The following TLCD3B variants were observed in gnomAD, a reference collection of about 807,000 sequenced individuals.
TLCD3B encodes ceramide synthase.
A neutral mutation model predicts 23.0 loss-of-function variants in TLCD3B; 9 were observed. That is an observed-to-expected ratio of 0.39 (90% CI 0.24 to 0.68). The LOEUF (loss-of-function observed/expected upper bound fraction) is 0.68. Ranked by LOEUF, TLCD3B falls within the 30% of genes least tolerant of loss-of-function variation. TLCD3B has a pLI of 0.44. For missense variants in TLCD3B, 307 were observed against 371.8 expected, an observed-to-expected ratio of 0.83 and a Z score of 1.43; for synonymous variants, 161 against 161.0, an observed-to-expected ratio of 1.00 and a Z score of 0.00.
intron 3 of TLCD3B, among the ~76,000 whole-genome samples, chr16:30,039,101 C>CTATT: frequency 8.3e-6 from 1 of 120,856 alleles, no homozygotes; most frequent in East Asian, 2.6e-4. Flanking sequence ...CCTCCTTCCT[C>CTATT]TCTTTTTTTT....
upstream of TLCD3B, among the ~76,000 whole-genome samples, chr16:30,031,917 G>A (rs979793506): frequency 6.6e-6 from 1 of 152,210 alleles, no homozygotes; most frequent in Non-Finnish European, 1.5e-5. Context: ...AGGGGAAACG[G>A]TGGCGAGAGC....
rs1223224062 is a variant in TLCD3B at position 30,025,454 on chromosome 16, T to C, written c.554A>G (p.His185Arg). 6.2e-7 allele frequency: 1 copy of C among 1,612,222 alleles called. No individual in the cohort carries two copies. Among genetic ancestry groups the C allele is most frequent in the South Asian group, 1.1e-5 (1 of 90,898 alleles). Residue 185 changes from histidine to arginine, a missense_variant, in exon 5 of 5, where the codon CAC (histidine) becomes CGC (arginine). Transcript: ENST00000380495. The surrounding 1 kb of genome is among the most constrained non-coding windows in gnomAD (Gnocchi z 4.1). Reference protein sequence around the residue: ...GKILIQYKQQHTLLHKVNGAL... With the variant: ...GKILIQYKQQRTLLHKVNGAL... Reference sequence around the variant, plus strand: ...CCCGTTCACCTTGTGCAGCAGTGTGTGCTGCTGCTTGTACTGAGGAGACAC... The same window carrying C: ...CCCGTTCACCTTGTGCAGCAGTGTGCGCTGCTGCTTGTACTGAGGAGACAC...
chr16:30,025,843 T>C lies in TLCD3B; in HGVS notation c.445-22A>G. The stretch of plus-strand genomic sequence containing the variant: ...ACACCTGGGCACAGAGGCAGGAAGG[T>C]GAGGAGCTGGGGCTCTCCCTGGGTT... On this transcript the variant is annotated intron_variant, in intron 3 of 4. Coordinates refer to ENST00000380495, the MANE Select transcript of TLCD3B (RefSeq NM_031478.6). This position sits in a 1 kb window ranked among gnomAD's most constrained non-coding sequence, Gnocchi z 4.1. 1 of 1,599,624 alleles carries C rather than the reference T, an allele frequency of 6.3e-7. No individual in the cohort carries two copies.
chr16:30,047,571 C>T (rs113306848), intron 1 of TLCD3B, among the ~76,000 whole-genome samples: 1,916 of 152,210 alleles, frequency 0.013, 35 homozygotes, highest in African/African-American at 0.044. Flanking sequence ...ATCCGCCTGC[C>T]TCGGCCTCCC....
chr16:30,040,147 A>AAAAT lies in TLCD3B; in HGVS notation c.-67+847_-67+848insATTT. Among the ~76,000 whole-genome samples the AAAAT allele has an allele frequency of 4.6e-3, 439 of 95,864 alleles. 6 individuals are homozygous for AAAAT. The highest frequency in any genetic ancestry group is 0.017 in the East Asian group (71 of 4,210). The allele number at this position is 95,864 out of a possible 152,430, so 62.9% of individuals were successfully genotyped here. A position where few individuals can be genotyped will look rare whatever the true frequency, so the allele number is the denominator to read the frequency against. ...AGACTTTGTCTCAAAAAAAAAAAAA[A>AAAAT]ATATATATATATATATATATATATG... is the stretch of plus-strand genomic sequence containing the variant. On this transcript the variant is annotated intron_variant, in intron 3 of 6. Transcript: ENST00000561666.
At chr16:30,036,267 C>T (rs1205126401), upstream of TLCD3B, 22 of 1,288,912 alleles carry the variant, frequency 1.7e-5, no homozygotes, top group Non-Finnish European at 2.2e-5. Context: ...TTTAAAATGA[C>T]ATTTGTTGAA....
rs749301741 is a variant in TLCD3B, at chr16:30,030,571, G to A, written c.-44C>T. On this transcript the variant is annotated 5_prime_UTR_variant, in exon 1 of 5. Transcript: ENST00000380495. The stretch of plus-strand genomic sequence containing the variant: ...CAGGGAGGCAGGCGGGCCGTGAAGG[G>A]GCAGGGAGGCCGAGTGGAAGGAGTT... The A allele has an allele frequency of 4.6e-6, 7 of 1,529,776 alleles. No individual in the cohort carries two copies. In the South Asian group the frequency reaches 8.7e-5, roughly 19 times the overall value. 94.8% of individuals were successfully genotyped at this position (1,529,776 alleles called of 1,614,324 possible).
intron 3 of TLCD3B, among the ~76,000 whole-genome samples, chr16:30,040,147 A>AAAAAAAAAT: frequency 1.1e-3 from 105 of 95,908 alleles, no homozygotes; most frequent in East Asian, 6.9e-3. Flanking sequence ...AAAAAAAAAA[A>AAAAAAAAAT]ATATATATAT....
rs2071624234 is a variant in TLCD3B at position 30,044,367 on chromosome 16, G to A, written c.-229+1956C>T. 2.0e-5 allele frequency among the ~76,000 whole-genome samples: 3 copies of A among 151,858 alleles called. No individual in the cohort carries two copies. The South Asian group carries it at 6.2e-4, about 32-fold the overall frequency. On this transcript the variant is annotated intron_variant, in intron 2 of 6. Coordinates refer to the TLCD3B transcript ENST00000561666. The stretch of plus-strand genomic sequence containing the variant: ...TTGTTGCCCAGGCTGGAGGGCAATG[G>A]TGCGATCTCGGCTCACTGCAACCTC...
chr16:30,036,208 C>T (rs1041237190), upstream of TLCD3B: 1 of 1,288,868 alleles, frequency 7.8e-7, no homozygotes, highest in Admixed American at 2.3e-5. Context: ...CTCCTCAGCA[C>T]CCAGAACTTG....
At chr16:30,034,419 A>AAC (rs1335417682), upstream of TLCD3B, among the ~76,000 whole-genome samples, 1 of 150,748 alleles carries the variant, frequency 6.6e-6, no homozygotes, top group East Asian at 2.0e-4. Context: ...CCAAAAAAAA[A>AAC]AAAAAAAAAA....
intron 2 of TLCD3B, among the ~76,000 whole-genome samples, chr16:30,045,179 G>A (rs1463258740): frequency 6.7e-6 from 1 of 150,360 alleles, no homozygotes; most frequent in Non-Finnish European, 1.5e-5. Flanking sequence ...CAAATTGAGA[G>A]TTTCTCCTGC....
At position 30,029,921 on chromosome 16, in the gene TLCD3B, C is replaced by T. The variant is rs1159752009; in HGVS notation, c.126-406G>A. 1.2e-6 allele frequency: 1 copy of T among 814,586 alleles called. No homozygotes were observed. The highest frequency in any genetic ancestry group is 1.8e-6 in the Non-Finnish European group (1 of 547,768). 50.5% of individuals were successfully genotyped at this position (814,586 alleles called of 1,614,324 possible). On this transcript the variant is annotated intron_variant, in intron 1 of 4. Transcript: ENST00000380495. This position sits in a 1 kb window ranked among gnomAD's most constrained non-coding sequence, Gnocchi z 4.6. ...GTCATGACGCAGGCCTCACTCTGGACCCTTTGTGACCCCGAGTTCCCCAGT... is the reference window on the plus strand; with the variant it reads ...GTCATGACGCAGGCCTCACTCTGGATCCTTTGTGACCCCGAGTTCCCCAGT...
At position 30,030,913 on chromosome 16, in the gene TLCD3B, G is replaced by A. The variant is rs1349000414; in HGVS notation, c.-386C>T. ...GTGGGGAGGGGAGGCTTACGTGAGA[G>A]GCTGGGAGGGCCCGAGGAGGCGGGG... On this transcript the variant is annotated 5_prime_UTR_variant, in exon 1 of 5. Coordinates refer to ENST00000380495, the MANE Select transcript of TLCD3B (RefSeq NM_031478.6). 3 of 170,872 alleles carry A rather than the reference G, an allele frequency of 1.8e-5. No individual in the cohort carries two copies. In the East Asian group the frequency reaches 5.9e-4, roughly 34 times the overall value. The allele number at this position is 170,872 out of a possible 1,614,324, so 10.6% of individuals were successfully genotyped here. A position where few individuals can be genotyped will look rare whatever the true frequency, so the allele number is the denominator to read the frequency against.
At chr16:30,040,463 G>A (rs1243390034) in intron 3 of TLCD3B, among the ~76,000 whole-genome samples, 1 of 151,890 alleles carries the variant, frequency 6.6e-6, no homozygotes, top group Non-Finnish European at 1.5e-5. Flanking sequence ...ACATGCTTCA[G>A]ACCATACAGT....
At position 30,024,562 on chromosome 16, in the gene TLCD3B, C is replaced by T. The variant is rs2071009119; in HGVS notation, c.*621G>A. 1.1e-5 allele frequency: 4 copies of T among 377,914 alleles called. No individual in the cohort carries two copies. Among genetic ancestry groups the T allele is most frequent in the Middle Eastern group, 7.3e-4 (1 of 1,378 alleles). 23.4% of individuals were successfully genotyped at this position (377,914 alleles called of 1,614,324 possible). On this transcript the variant is annotated 3_prime_UTR_variant, in exon 5 of 5. Coordinates refer to ENST00000380495, the MANE Select transcript of TLCD3B (RefSeq NM_031478.6). ...AGGGCCCGAGGGCGCGATGTGCAGC[C>T]GATGGTGAGGGACTGGGCGCCCTCG...
At chr16:30,036,665 G>C (rs187044296) in intron 3 of TLCD3B, 2 of 259,082 alleles carry the variant, frequency 7.7e-6, no homozygotes, top group South Asian at 8.0e-5. Context: ...TTTGCTTCCT[G>C]TGGGGGCTGG....
chr16:30,036,784 G>A (rs1405245628), intron 3 of TLCD3B, among the ~76,000 whole-genome samples: 1 of 152,092 alleles, frequency 6.6e-6, no homozygotes, highest in Non-Finnish European at 1.5e-5. Context: ...AAGGAGAGGG[G>A]AAATAAGAGC....
At chr16:30,047,819 G>T in intron 1 of TLCD3B, among the ~76,000 whole-genome samples, 1 of 151,082 alleles carries the variant, frequency 6.6e-6, no homozygotes. Flanking sequence ...GAGTGGAGTG[G>T]TGTAATCATA....
Sources: gnomAD v4.1 joint callset for allele counts (sites outside exome capture counted in the v4.1 genomes callset) on GRCh38, gnomAD v4.1.1 for gene constraint, Gnocchi (gnomAD v3.1) non-coding constraint, MANE v1.5 for transcripts, NCBI Gene and HGNC (gene_info 2026-07-23, HGNC 2026-07-21) for gene names.